The following MYO1F variants were observed in gnomAD, a reference collection of about 807,000 sequenced individuals.
MYO1F encodes the protein myosin IF.
Under a neutral mutation model 146.6 loss-of-function variants are expected in MYO1F, and 60 were observed. That is an observed-to-expected ratio of 0.41 (90% CI 0.33 to 0.51). The LOEUF (loss-of-function observed/expected upper bound fraction) is 0.51. Among genes scored for constraint, MYO1F ranks in the 20% least tolerant of loss-of-function variants. MYO1F has a pLI of 0.25. For synonymous variants in MYO1F, 602 were observed against 602.1 expected, an observed-to-expected ratio of 1.00 and a Z score of 0.00; for missense variants, 1,274 against 1,534.3, an observed-to-expected ratio of 0.83 and a Z score of 2.83.
chr19:8,565,573 T>G (rs1035239597), intron 1 of MYO1F, among the ~76,000 whole-genome samples: 1 of 151,466 alleles, frequency 6.6e-6, no homozygotes, highest in Non-Finnish European at 1.5e-5. Context: ...AATTAAAAAA[T>G]AAATAATTGT....
At chr19:8,524,810 G>A (rs1723027207) in intron 25 of MYO1F, among the ~76,000 whole-genome samples, 1 of 152,124 alleles carries the variant, frequency 6.6e-6, no homozygotes, top group Non-Finnish European at 1.5e-5. Flanking sequence ...ATAAATAAGA[G>A]CTCAACGAAT....
At chr19:8,555,406 A>AG in intron 2 of MYO1F, 2 of 322,986 alleles carry the variant, frequency 6.2e-6, no homozygotes, top group Admixed American at 9.2e-5. Flanking sequence ...AAAAAAAAAA[A>AG]GAACAAACAG....
intron 13 of MYO1F, 31 bp downstream of exon 13, chr19:8,545,619 A>G (rs1973312732): frequency 6.3e-7 from 1 of 1,575,058 alleles, no homozygotes; most frequent in South Asian, 1.1e-5. Flanking sequence ...GACCAGTGAG[A>G]CGCCCCCGCC....
At chr19:8,522,137 C>G (rs1284450166) in intron 27 of MYO1F, among the ~76,000 whole-genome samples, 1 of 152,000 alleles carries the variant, frequency 6.6e-6, no homozygotes, top group Non-Finnish European at 1.5e-5. Flanking sequence ...ATTCTCCTGC[C>G]TCAGCCTCCC....
chr19:8,577,257 C>G lies in MYO1F; in HGVS notation c.3+50G>C. The G allele has an allele frequency of 1.2e-6, 2 of 1,607,736 alleles. No homozygotes were observed. The highest frequency in any genetic ancestry group is 1.7e-6 in the Non-Finnish European group (2 of 1,175,572). The stretch of plus-strand genomic sequence containing the variant: ...TCATTTTTAGGACACCTCCACCTGG[C>G]TGGTGTCCCTCCTCTTTCTTCTTCC... On this transcript the variant is annotated intron_variant, in intron 1 of 27. Transcript: ENST00000644032. This position sits in a 1 kb window ranked among gnomAD's most constrained non-coding sequence, Gnocchi z 4.3.
At position 8,530,134 on chromosome 19, in the gene MYO1F, G is replaced by C. The variant is rs1157297066; in HGVS notation, c.2328+62C>G. ...ATCTGGCTGTGGGCAGGTGCATCTGGGCCAGGTGAGGGTGCCAGGCTGTAG... is the reference window on the plus strand; with the variant it reads ...ATCTGGCTGTGGGCAGGTGCATCTGCGCCAGGTGAGGGTGCCAGGCTGTAG... On this transcript the variant is annotated intron_variant, in intron 21 of 27. Coordinates refer to ENST00000644032, the MANE Select transcript of MYO1F (RefSeq NM_012335.4). This position sits in a 1 kb window ranked among gnomAD's most constrained non-coding sequence, Gnocchi z 5.8. 6.2e-7 allele frequency: 1 copy of C among 1,605,580 alleles called. No individual in the cohort carries two copies. The highest frequency in any genetic ancestry group is 1.1e-5 in the South Asian group (1 of 90,928).
rs1363810184 is a variant in MYO1F at position 8,550,002 on chromosome 19, G to A, written c.1101+158C>T. The stretch of plus-strand genomic sequence containing the variant: ...TCTGTAGAGATGGGGGTCTTGCTAT[G>A]TTGCCCAGGCTGGTCTTGAACTTCT... On this transcript the variant is annotated intron_variant, in intron 10 of 27. Transcript: ENST00000644032. 7.5e-6 allele frequency: 6 copies of A among 802,650 alleles called. No individual in the cohort carries two copies. The African/African-American group carries it at 1.0e-4, about 14-fold the overall frequency. 49.7% of individuals were successfully genotyped at this position (802,650 alleles called of 1,614,324 possible).
chr19:8,554,836 A>G (rs1209693542), intron 2 of MYO1F, 93 bp from the exon 3 acceptor site: 1 of 1,176,660 alleles, frequency 8.5e-7, no homozygotes, highest in Non-Finnish European at 1.3e-6. Context: ...CTAAAACTCC[A>G]TTGCTTGGAG....
chr19:8,549,953 A>G, intron 10 of MYO1F: 2 of 646,676 alleles, frequency 3.1e-6, no homozygotes, highest in Non-Finnish European at 5.5e-6. Context: ...CATGCACACC[A>G]CTACACCCAA....
In MYO1F at chr19:8,528,356, A is replaced by G. The variant is rs549356471; in HGVS notation, c.2329-873T>C. On this transcript the variant is annotated intron_variant, in intron 21 of 27. Coordinates refer to ENST00000644032, the MANE Select transcript of MYO1F (RefSeq NM_012335.4). ...ATCCTGGCTAATACCATGAAACCCC[A>G]TCTCTACTAAAAATACAAAAAACTA... 1.0e-3 allele frequency among the ~76,000 whole-genome samples: 157 copies of G among 151,566 alleles called. 2 individuals carry two copies. The highest frequency in any genetic ancestry group is 2.8e-4 in the Non-Finnish European group (19 of 67,886).
chr19:8,572,347 A>T (rs2042126323), intron 1 of MYO1F, among the ~76,000 whole-genome samples: 1 of 151,808 alleles, frequency 6.6e-6, no homozygotes, highest in African/African-American at 2.4e-5. Flanking sequence ...AGCTCACTGC[A>T]ACCTCTGCCT....
chr19:8,560,698 C>G (rs62119402), intron 1 of MYO1F, among the ~76,000 whole-genome samples: 43,824 of 150,156 alleles, frequency 0.29, 7,148 homozygotes, highest in East Asian at 0.59. Flanking sequence ...GTCTCAGCCT[C>G]CTGTGTAGCT....
chr19:8,574,574 TCTTTCTCTCTCTCTCTCTCTC>T (rs2042177010), intron 1 of MYO1F, among the ~76,000 whole-genome samples: 1 of 88,004 alleles, frequency 1.1e-5, no homozygotes, highest in East Asian at 2.6e-4. Flanking sequence ...TTTCTTTCTT[TCTTTCTCTCTCTCTCTCTCTC>T]TCTTTCTTTC....
rs1231274403 is a variant in MYO1F at position 8,544,451 on chromosome 19, A to T, written c.1370T>A (p.Ile457Asn). ...LIENKLSPPG[I>N]MSVLDDVCAT... ...GCACACGTCGTCCAAGACGCTCATG[A>T]TGCCTGGGGGGCTCTGCGGGGCGAG... Residue 457 changes from isoleucine to asparagine, a missense_variant, in exon 14 of 28, where the codon ATC becomes AAC. This residue lies in a region of MYO1F where 900 missense variants were observed against 1,155.1 expected (regional missense o/e 0.78). Coordinates refer to ENST00000644032, the MANE Select transcript of MYO1F (RefSeq NM_012335.4). 1 of 1,610,414 alleles carries T rather than the reference A, an allele frequency of 6.2e-7. No homozygotes were observed. The highest frequency in any genetic ancestry group is 8.5e-7 in the Non-Finnish European group (1 of 1,179,646).
At position 8,521,336 on chromosome 19, in the gene MYO1F, C is replaced by CAGG. The variant is rs780509524; in HGVS notation, c.*189_*191dup. 9.3e-6 allele frequency: 6 copies of CAGG among 642,926 alleles called. No individual in the cohort carries two copies. Among genetic ancestry groups the CAGG allele is most frequent in the East Asian group, 2.8e-5 (1 of 36,020 alleles). The allele number at this position is 642,926 out of a possible 1,614,324, so 39.8% of individuals were successfully genotyped here. A position where few individuals can be genotyped will look rare whatever the true frequency, so the allele number is the denominator to read the frequency against. On this transcript the variant is annotated 3_prime_UTR_variant, in exon 28 of 28. Transcript: ENST00000644032. Reference sequence around the variant, plus strand: ...AGCAGGTGTGATGTTGGAGGAAGACCAGGGCCCAGGGGCGGGGGCTGCAGC... The same window carrying CAGG: ...AGCAGGTGTGATGTTGGAGGAAGACCAGGAGGGCCCAGGGGCGGGGGCTGCAGC...
At chr19:8,526,735 G>T in intron 23 of MYO1F, 54 bp downstream of exon 23, 2 of 1,549,620 alleles carry the variant, frequency 1.3e-6, no homozygotes, top group Non-Finnish European at 1.7e-6. Flanking sequence ...GGCGGGAGAG[G>T]GTGCGCCGCG....
At chr19:8,540,688 C>T (rs1187628206) in intron 15 of MYO1F, among the ~76,000 whole-genome samples, 10 of 141,758 alleles carry the variant, frequency 7.1e-5, no homozygotes, top group Non-Finnish European at 1.2e-4. Context: ...CCAGCCTGGG[C>T]GGCAGGGTGA....
intron 12 of MYO1F, among the ~76,000 whole-genome samples, chr19:8,546,868 G>C (rs959724261): frequency 6.3e-4 from 96 of 151,956 alleles, no homozygotes; most frequent in African/African-American, 2.3e-3. Context: ...TAGTAGAGAT[G>C]GGGTTTCACC....
At chr19:8,543,226 C>T (rs1364434764) in intron 14 of MYO1F, among the ~76,000 whole-genome samples, 1 of 152,214 alleles carries the variant, frequency 6.6e-6, no homozygotes, top group African/African-American at 2.4e-5. Flanking sequence ...TTTAGGGGCA[C>T]TCCTAGGAAC....
Sources: gnomAD v4.1 joint callset for allele counts (sites outside exome capture counted in the v4.1 genomes callset) on GRCh38, gnomAD v4.1.1 for gene constraint, gnomAD v4.1.1 regional missense constraint, Gnocchi (gnomAD v3.1) non-coding constraint, MANE v1.5 for transcripts, NCBI Gene and HGNC (gene_info 2026-07-23, HGNC 2026-07-21) for gene names.